The following SGCZ variants were observed in gnomAD, a reference collection of about 807,000 sequenced individuals.
The protein encoded by SGCZ is zeta-sarcoglycan.
A neutral mutation model predicts 41.3 loss-of-function variants in SGCZ; 40 were observed. The ratio of observed to expected loss-of-function variants is 0.97; its 90% CI spans 0.75 to 1.26. SGCZ has a LOEUF of 1.26. SGCZ is among the 50% of genes most tolerant of loss of function. The pLI is 0.00. For missense variants in SGCZ, 552 were observed against 369.8 expected (o/e 1.49, Z -4.04); for synonymous variants, 206 against 137.5 (o/e 1.50, Z -3.49).
Position 14,222,852 on chromosome 8 carries a change from G to A in SGCZ, c.424+14740C>T, listed in dbSNP as rs1003330552. On this transcript the variant is annotated intron_variant, in intron 4 of 7. Coordinates refer to ENST00000382080, the MANE Select transcript of SGCZ (RefSeq NM_139167.4). ...TTTTGAGGCAGAGTCTTGCTCTGTC[G>A]CCCAGGCTGGTGTGCAGTGGGTGAT... Among the ~76,000 whole-genome samples the A allele has an allele frequency of 1.3e-4, 16 of 123,742 alleles. 1 individual carries two copies. The highest frequency in any genetic ancestry group is 2.4e-4 in the East Asian group (1 of 4,152). 81.2% of individuals were successfully genotyped at this position (123,742 alleles called of 152,430 possible).
At chr8:14,101,784 A>T (rs1365799022) in intron 7 of SGCZ, among the ~76,000 whole-genome samples, 1 of 152,086 alleles carries the variant, frequency 6.6e-6, no homozygotes, top group Non-Finnish European at 1.5e-5. Flanking sequence ...ATTAAAAAAA[A>T]AAAAAGGACT....
intron 1 of SGCZ, among the ~76,000 whole-genome samples, chr8:14,666,566 T>G (rs567432367): frequency 6.6e-6 from 1 of 152,182 alleles, no homozygotes; most frequent in East Asian, 1.9e-4. Flanking sequence ...TTGCCTGGCT[T>G]TTTTCTGTAG....
intron 4 of SGCZ, among the ~76,000 whole-genome samples, chr8:14,171,706 G>C (rs1804388869): frequency 6.6e-6 from 1 of 151,726 alleles, no homozygotes; most frequent in Admixed American, 6.6e-5. Flanking sequence ...ATCTTTTCTT[G>C]AGTACCTCCT....
chr8:14,948,982 G>A (rs928896119), intron 1 of SGCZ, among the ~76,000 whole-genome samples: 3 of 151,250 alleles, frequency 2.0e-5, no homozygotes, highest in Admixed American at 6.6e-5. Flanking sequence ...GATTTCCCCT[G>A]AGTGATGGTA....
chr8:14,700,010 A>G lies in SGCZ; in HGVS notation c.40-145084T>C, dbSNP rs1320142758. 3.9e-5 allele frequency among the ~76,000 whole-genome samples: 6 copies of G among 152,114 alleles called. No homozygotes were observed. The East Asian group carries it at 9.7e-4, about 25-fold the overall frequency. ...AACTTTTATAACATTGTTGGCAGAAATGTAAATTTGTTCAGCCACTGTGGA... is the reference window on the plus strand; with the variant it reads ...AACTTTTATAACATTGTTGGCAGAAGTGTAAATTTGTTCAGCCACTGTGGA... On this transcript the variant is annotated intron_variant, in intron 1 of 7. Coordinates refer to ENST00000382080, the MANE Select transcript of SGCZ (RefSeq NM_139167.4).
At chr8:14,933,741 C>T (rs1187997319) in intron 1 of SGCZ, among the ~76,000 whole-genome samples, 1 of 151,932 alleles carries the variant, frequency 6.6e-6, no homozygotes, top group Non-Finnish European at 1.5e-5. Flanking sequence ...CATGAGCCAC[C>T]GCGGCCAGCC....
chr8:14,280,424 A>G (rs908575220), intron 3 of SGCZ, among the ~76,000 whole-genome samples: 7 of 151,856 alleles, frequency 4.6e-5, no homozygotes, highest in African/African-American at 9.7e-5. Context: ...CCTAAATTCT[A>G]CCTTTTAAAA....
chr8:14,787,567 G>A (rs1040702879), intron 1 of SGCZ, among the ~76,000 whole-genome samples: 1 of 151,976 alleles, frequency 6.6e-6, no homozygotes. Flanking sequence ...ATTCCAGCCG[G>A]GCGGGATACA....
intron 2 of SGCZ, among the ~76,000 whole-genome samples, chr8:14,553,234 C>T (rs1441452289): frequency 2.6e-5 from 4 of 151,820 alleles, no homozygotes; most frequent in African/African-American, 7.3e-5. Flanking sequence ...TCAAAATATT[C>T]CCAAATGAGA....
chr8:14,318,100 C>G (rs549725109), intron 3 of SGCZ, among the ~76,000 whole-genome samples: 2 of 151,540 alleles, frequency 1.3e-5, no homozygotes, highest in Non-Finnish European at 2.9e-5. Flanking sequence ...GGTTGTATTT[C>G]AATTCGGTAA....
chr8:15,023,146 T>C (rs1484640860), intron 1 of SGCZ, among the ~76,000 whole-genome samples: 3 of 152,224 alleles, frequency 2.0e-5, no homozygotes, highest in Non-Finnish European at 4.4e-5. Flanking sequence ...GAAAATCAGA[T>C]AATCACGCTT....
intron 1 of SGCZ, among the ~76,000 whole-genome samples, chr8:15,227,740 A>C (rs532962129): frequency 2.0e-5 from 3 of 152,230 alleles, no homozygotes; most frequent in Admixed American, 2.0e-4. Context: ...ATGGCATTGC[A>C]CATGTTGCAA....
chr8:14,628,749 T>C (rs917366736), intron 1 of SGCZ, among the ~76,000 whole-genome samples: 1 of 152,130 alleles, frequency 6.6e-6, no homozygotes, highest in Non-Finnish European at 1.5e-5. Flanking sequence ...AAATTGAAAA[T>C]GTCTGCTTTC....
chr8:14,383,452 G>A (rs141319918), intron 2 of SGCZ, among the ~76,000 whole-genome samples: 135 of 152,264 alleles, frequency 8.9e-4, no homozygotes, highest in African/African-American at 3.2e-3. Context: ...TGATGTTCCA[G>A]GCTAATTAGT....
chr8:14,801,537 T>G (rs1412909140), intron 1 of SGCZ, among the ~76,000 whole-genome samples: 1 of 152,188 alleles, frequency 6.6e-6, no homozygotes, highest in Non-Finnish European at 1.5e-5. Context: ...ATTTTCACCT[T>G]GTTTACTTCC....
chr8:14,276,573 C>T (rs1373908665), intron 3 of SGCZ, among the ~76,000 whole-genome samples: 2 of 152,104 alleles, frequency 1.3e-5, no homozygotes, highest in East Asian at 3.9e-4. Flanking sequence ...CTCCATGTTT[C>T]CTATATCCAC....
chr8:14,842,667 G>T lies in SGCZ; in HGVS notation c.40-287741C>A, dbSNP rs560172467. On this transcript the variant is annotated intron_variant, in intron 1 of 7. Transcript: ENST00000382080. ...GTTTAAGAATTGTTTTTATCTTTAT[G>T]TAAAGAGTAACAGAAACTTTTGAAA... Among the ~76,000 whole-genome samples, 524 of 152,266 alleles carry T rather than the reference G, an allele frequency of 3.4e-3. 5 individuals are homozygous for T. Among genetic ancestry groups the T allele is most frequent in the African/African-American group, 0.012 (502 of 41,554 alleles).
intron 1 of SGCZ, among the ~76,000 whole-genome samples, chr8:14,896,672 T>A (rs886952700): frequency 6.6e-6 from 1 of 151,800 alleles, no homozygotes; most frequent in South Asian, 2.1e-4. Context: ...AGACGGGGTT[T>A]CACCATGTTG....
At chr8:14,717,934 A>G (rs1402328309) in intron 1 of SGCZ, among the ~76,000 whole-genome samples, 2 of 151,080 alleles carry the variant, frequency 1.3e-5, no homozygotes, top group Admixed American at 1.3e-4. Flanking sequence ...CCTCTATGTT[A>G]ATCATATGAC....
Sources: gnomAD v4.1 joint callset for allele counts (sites outside exome capture counted in the v4.1 genomes callset) on GRCh38, gnomAD v4.1.1 for gene constraint, MANE v1.5 for transcripts, NCBI Gene and HGNC (gene_info 2026-07-23, HGNC 2026-07-21) for gene names.